The following MGMT variants were observed in gnomAD, a reference collection of about 807,000 sequenced individuals.
The protein encoded by MGMT is O-6-methylguanine-DNA methyltransferase.
A neutral mutation model predicts 15.9 loss-of-function variants in MGMT; 14 were observed. The observed-to-expected ratio is 0.88, with a 90% CI of 0.58 to 1.37. MGMT has a LOEUF of 1.37. Ranked by LOEUF, MGMT falls within the 40% of genes most tolerant of loss-of-function variation. The probability of loss-of-function intolerance (pLI) is 0.00; values close to 1 mark genes in which losing one functional copy is unlikely to be tolerated. For missense variants in MGMT, 282 were observed against 268.1 expected, an observed-to-expected ratio of 1.05 and a Z score of -0.36; for synonymous variants, 130 against 118.2, an observed-to-expected ratio of 1.10 and a Z score of -0.65.
intron 3 of MGMT, among the ~76,000 whole-genome samples, chr10:129,714,159 C>T (rs538898605): frequency 6.6e-6 from 1 of 152,356 alleles, no homozygotes; most frequent in Admixed American, 6.5e-5. Context: ...CGGGCTTTGC[C>T]TGCACGGGCT....
chr10:129,506,384 CCTT>C (rs1245754414), intron 1 of MGMT, among the ~76,000 whole-genome samples: 2 of 152,116 alleles, frequency 1.3e-5, no homozygotes, highest in Non-Finnish European at 2.9e-5. Context: ...ATCTTGGACC[CCTT>C]CTTCTGTTGT....
chr10:129,678,940 G>A lies in MGMT; in HGVS notation c.126-28955G>A, dbSNP rs1437594734. Among the ~76,000 whole-genome samples the A allele has an allele frequency of 3.3e-5, 5 of 152,144 alleles. No individual in the cohort carries two copies. In the East Asian group the frequency reaches 7.8e-4, roughly 24 times the overall value. ...ATACAAAAACTCGCCGAGCGTGGTG[G>A]TGCACACCTGTAATCCCAGCTACTC... On this transcript the variant is annotated intron_variant, in intron 2 of 4. Transcript: ENST00000651593.
intron 1 of MGMT, among the ~76,000 whole-genome samples, chr10:129,471,073 G>T (rs1001602500): frequency 6.6e-6 from 1 of 152,198 alleles, no homozygotes; most frequent in Non-Finnish European, 1.5e-5. Flanking sequence ...TGGGCTGGGG[G>T]ACACCGAATG....
At chr10:129,471,645 A>G (rs940978756) in intron 1 of MGMT, among the ~76,000 whole-genome samples, 3 of 152,118 alleles carry the variant, frequency 2.0e-5, no homozygotes, top group Admixed American at 2.0e-4. Context: ...CCTCTGCATC[A>G]GAATTACTGT....
rs183162864 is a variant in MGMT, at chr10:129,684,071, A to G, written c.126-23824A>G. ...CCCCTCTGTATTTGCTGAAATATGC[A>G]TGTTTTTCCATCTCATTAATTCAGT... On this transcript the variant is annotated intron_variant, in intron 2 of 4. Transcript: ENST00000651593. 2.1e-4 allele frequency among the ~76,000 whole-genome samples: 32 copies of G among 152,328 alleles called. No individual in the cohort carries two copies. The East Asian group carries it at 2.7e-3, about 13-fold the overall frequency.
At chr10:129,685,544 C>T in intron 2 of MGMT, among the ~76,000 whole-genome samples, 1 of 152,284 alleles carries the variant, frequency 6.6e-6, no homozygotes, top group South Asian at 2.1e-4. Flanking sequence ...TCCCCGGGGC[C>T]CTTTCGGCTC....
intron 3 of MGMT, among the ~76,000 whole-genome samples, chr10:129,730,558 G>C (rs114344607): frequency 4.6e-5 from 7 of 152,168 alleles, no homozygotes; most frequent in African/African-American, 1.7e-4. Flanking sequence ...CAGAGCAGAC[G>C]CGAGGTTTGC....
At chr10:129,729,063 G>A (rs1383051840) in intron 3 of MGMT, among the ~76,000 whole-genome samples, 2 of 152,026 alleles carry the variant, frequency 1.3e-5, no homozygotes, top group Admixed American at 1.3e-4. Flanking sequence ...CCTGGCATGG[G>A]GCCCCTGCCA....
chr10:129,472,119 G>A (rs1845238724), intron 1 of MGMT, among the ~76,000 whole-genome samples: 1 of 152,102 alleles, frequency 6.6e-6, no homozygotes, highest in African/African-American at 2.4e-5. Flanking sequence ...CTGGGTCAAG[G>A]CATTTTCCTG....
Position 129,475,932 on chromosome 10 carries a change from C to A in MGMT, c.-13+8636C>A, listed in dbSNP as rs947375869. On this transcript the variant is annotated intron_variant, in intron 1 of 4. Coordinates refer to ENST00000651593, the MANE Select transcript of MGMT (RefSeq NM_002412.5). ...AAGAGCACAGGCTCTTGGAAAGCCA[C>A]AATCCATGACCATATTCACAGCTGA... Among the ~76,000 whole-genome samples, 44 of 152,368 alleles carry A rather than the reference C, an allele frequency of 2.9e-4. 1 individual carries two copies. Among genetic ancestry groups the A allele is most frequent in the African/African-American group, 1.0e-3 (43 of 41,602 alleles).
intron 2 of MGMT, among the ~76,000 whole-genome samples, chr10:129,548,875 A>G (rs1023129209): frequency 6.6e-6 from 1 of 152,220 alleles, no homozygotes; most frequent in Non-Finnish European, 1.5e-5. Context: ...CTCCAGGTCC[A>G]GGCCCTGCAG....
intron 1 of MGMT, among the ~76,000 whole-genome samples, chr10:129,470,376 A>G (rs1322435129): frequency 3.3e-5 from 5 of 152,188 alleles, no homozygotes; most frequent in African/African-American, 4.8e-5. Flanking sequence ...GACATAGTCT[A>G]GTTTTCTTTT....
chr10:129,503,565 C>T (rs1416235110), intron 1 of MGMT, among the ~76,000 whole-genome samples: 1 of 152,136 alleles, frequency 6.6e-6, no homozygotes, highest in Non-Finnish European at 1.5e-5. Flanking sequence ...ATGTGATACT[C>T]TTTGAAATTT....
intron 1 of MGMT, among the ~76,000 whole-genome samples, chr10:129,490,830 T>G (rs1157674230): frequency 6.6e-6 from 1 of 152,214 alleles, no homozygotes; most frequent in Non-Finnish European, 1.5e-5. Flanking sequence ...TTCTCCCCTT[T>G]CTGGTTATAC....
intron 1 of MGMT, among the ~76,000 whole-genome samples, chr10:129,485,249 T>G (rs1845396630): frequency 6.6e-6 from 1 of 152,174 alleles, no homozygotes; most frequent in African/African-American, 2.4e-5. Flanking sequence ...TAGGCCCTTC[T>G]TCCCTGGTAC....
In MGMT at chr10:129,759,346, G is replaced by C. The variant is rs200100227; in HGVS notation, c.414+5G>C. On this transcript the variant is annotated splice_donor_5th_base_variant and intron_variant, in intron 4 of 4. Transcript: ENST00000651593. ...GGAGCAATGAGAGGCAATCCTGTGA[G>C]TTCTCATGGCGCAAGCATGGCTGTG... The C allele has an allele frequency of 2.5e-6, 4 of 1,614,174 alleles. No homozygotes were observed. The highest frequency in any genetic ancestry group is 3.4e-6 in the Non-Finnish European group (4 of 1,180,018).
At chr10:129,511,462 C>G (rs376097554) in intron 1 of MGMT, among the ~76,000 whole-genome samples, 2 of 149,902 alleles carry the variant, frequency 1.3e-5, no homozygotes, top group East Asian at 4.0e-4. Flanking sequence ...TGATGGGAAC[C>G]CCGTATACCA....
At chr10:129,652,378 G>A (rs1042234956) in intron 2 of MGMT, among the ~76,000 whole-genome samples, 1 of 152,148 alleles carries the variant, frequency 6.6e-6, no homozygotes. Flanking sequence ...CTGCACGGTG[G>A]GTCCCCTGGG....
intron 3 of MGMT, among the ~76,000 whole-genome samples, chr10:129,754,905 T>G (rs1407912381): frequency 8.0e-6 from 1 of 125,572 alleles, no homozygotes. Context: ...AGGTGATGCT[T>G]TTCCTTCCTC....
Sources: allele counts gnomAD v4.1 joint callset (sites outside exome capture counted in the v4.1 genomes callset), GRCh38; gene constraint gnomAD v4.1.1; transcripts MANE v1.5; gene names NCBI Gene and HGNC (gene_info 2026-07-23, HGNC 2026-07-21).